The following EFHC2 variants were observed in gnomAD, a reference collection of about 807,000 sequenced individuals.
The protein encoded by EFHC2 is EF-hand domain-containing family member C2.
Under a neutral mutation model 52.7 loss-of-function variants are expected in EFHC2, and 18 were observed. The observed-to-expected ratio is 0.34, with a 90% CI of 0.24 to 0.51. The LOEUF (loss-of-function observed/expected upper bound fraction) is 0.51, where lower values mean the gene tolerates loss of function less well. EFHC2 is among the 20% of genes least tolerant of loss of function. The pLI is 0.97. For synonymous variants in EFHC2, 203 were observed against 204.1 expected, an observed-to-expected ratio of 0.99 and a Z score of 0.04; for missense variants, 513 against 562.5, an observed-to-expected ratio of 0.91 and a Z score of 0.89.
chrX:44,190,702 G>A (rs371897940), intron 11 of EFHC2, among the ~76,000 whole-genome samples: 1 of 106,649 alleles, frequency 9.4e-6, no homozygotes, highest in Non-Finnish European at 1.9e-5. Context: ...TGTTGATGGG[G>A]AAAAAAAAAT....
At chrX:44,224,333 T>C (rs774861253) in intron 11 of EFHC2, among the ~76,000 whole-genome samples, 2 of 111,950 alleles carry the variant, frequency 1.8e-5, no homozygotes, top group Non-Finnish European at 3.8e-5. Context: ...AGAATTTTAA[T>C]ATCAGTATCA....
chrX:44,217,205 C>T (rs1036610506), intron 11 of EFHC2, among the ~76,000 whole-genome samples: 1 of 110,689 alleles, frequency 9.0e-6, no homozygotes, highest in African/African-American at 3.3e-5. Context: ...GCTCATATCC[C>T]GAGAGACAGG....
At chrX:44,248,732 T>A in intron 6 of EFHC2, 71 bp downstream of exon 6, 1 of 847,392 alleles carries the variant, frequency 1.2e-6, no homozygotes, top group South Asian at 2.2e-5. Flanking sequence ...GAAGAGTACG[T>A]AACTCGCCCC....
At chrX:44,179,109 A>G (rs908020916) in intron 11 of EFHC2, among the ~76,000 whole-genome samples, 10 of 110,717 alleles carry the variant, frequency 9.0e-5, no homozygotes, top group African/African-American at 3.3e-4. Flanking sequence ...TAAAAGACCT[A>G]TGTAAGCGTA....
At chrX:44,309,484 A>G (rs1474728075) in intron 2 of EFHC2, 5 of 1,204,300 alleles carry the variant, frequency 4.2e-6, no homozygotes, top group Non-Finnish European at 5.6e-6. Context: ...CAGTTCCAGC[A>G]TAAGTCTGTC....
chrX:44,217,070 C>G (rs1277542542), intron 11 of EFHC2, among the ~76,000 whole-genome samples: 1 of 111,624 alleles, frequency 9.0e-6, no homozygotes, highest in Admixed American at 9.5e-5. Flanking sequence ...AATTTGAATA[C>G]ACATTTCTCA....
chrX:44,261,022 C>G lies in EFHC2; in HGVS notation c.606+53G>C, dbSNP rs947640115. ...AGTACAAACACCCTTTACTGACTTT[C>G]CAAAGGGATTTTTATTTTGAAGACA... On this transcript the variant is annotated intron_variant, in intron 4 of 14. Transcript: ENST00000420999. 1.2e-5 allele frequency: 13 copies of G among 1,077,856 alleles called. No homozygotes were observed. In the South Asian group the frequency reaches 2.6e-4, roughly 22 times the overall value. The allele number at this position is 1,077,856 out of a possible 1,213,427, so 88.8% of individuals were successfully genotyped here. A position where few individuals can be genotyped will look rare whatever the true frequency, so the allele number is the denominator to read the frequency against.
chrX:44,314,445 G>A (rs1255078765), intron 1 of EFHC2, among the ~76,000 whole-genome samples: 1 of 112,267 alleles, frequency 8.9e-6, no homozygotes, highest in East Asian at 2.8e-4. Flanking sequence ...CCTCCCCAGG[G>A]GAGTCAGGGC....
chrX:44,279,380 G>A (rs906181333), intron 2 of EFHC2, among the ~76,000 whole-genome samples: 4 of 111,468 alleles, frequency 3.6e-5, no homozygotes, highest in Non-Finnish European at 7.5e-5. Flanking sequence ...GCAAAAATTT[G>A]TCATAAGAAA....
intron 4 of EFHC2, among the ~76,000 whole-genome samples, chrX:44,251,783 G>A (rs1323627914): frequency 9.2e-6 from 1 of 108,955 alleles, no homozygotes; most frequent in Non-Finnish European, 1.9e-5. Flanking sequence ...CCTCTGGGTA[G>A]GGAATTTGAC....
chrX:44,170,885 AGT>A (rs1381692727), intron 13 of EFHC2, among the ~76,000 whole-genome samples: 1 of 112,492 alleles, frequency 8.9e-6, no homozygotes, highest in Non-Finnish European at 1.9e-5. Context: ...TGTTGGAATC[AGT>A]GTGCAGCCTT....
At chrX:44,157,350 T>C (rs981926175) in intron 14 of EFHC2, among the ~76,000 whole-genome samples, 1 of 111,240 alleles carries the variant, frequency 9.0e-6, no homozygotes, top group Non-Finnish European at 1.9e-5. Context: ...GGCTTTATTC[T>C]GGTAACAAAT....
At chrX:44,151,371 G>C (rs1354555278) in intron 14 of EFHC2, among the ~76,000 whole-genome samples, 1 of 111,805 alleles carries the variant, frequency 8.9e-6, no homozygotes, top group African/African-American at 3.2e-5. Context: ...TAAAGCAACA[G>C]AAACTTATTC....
At chrX:44,167,456 C>T (rs747779462) in intron 13 of EFHC2, among the ~76,000 whole-genome samples, 1 of 112,404 alleles carries the variant, frequency 8.9e-6, no homozygotes, top group Admixed American at 9.4e-5. Flanking sequence ...CCTCATAACA[C>T]CCAGTCTTCC....
At chrX:44,342,648 G>A (rs1190856573) in intron 1 of EFHC2, among the ~76,000 whole-genome samples, 1 of 110,370 alleles carries the variant, frequency 9.1e-6, no homozygotes, top group Non-Finnish European at 1.9e-5. Context: ...AGACCGAGGC[G>A]GGCAGATCAC....
At chrX:44,162,118 G>A (rs1405425734) in intron 14 of EFHC2, among the ~76,000 whole-genome samples, 3 of 111,816 alleles carry the variant, frequency 2.7e-5, no homozygotes, top group African/African-American at 9.8e-5. Context: ...TATGTATGGG[G>A]ACAACAGGAC....
intron 10 of EFHC2, among the ~76,000 whole-genome samples, chrX:44,232,000 C>T (rs1424521739): frequency 1.8e-5 from 2 of 111,845 alleles, no homozygotes; most frequent in Non-Finnish European, 3.8e-5. Context: ...CTTATTTAGG[C>T]CTCAGGTGGC....
chrX:44,261,754 C>CAA (rs769527844), intron 3 of EFHC2, among the ~76,000 whole-genome samples: 149 of 31,615 alleles, frequency 4.7e-3, no homozygotes, highest in Admixed American at 5.3e-3. Flanking sequence ...ACTCATGGCT[C>CAA]AAAAAAAAAA....
chrX:44,200,537 A>G (rs1330302687), intron 11 of EFHC2, among the ~76,000 whole-genome samples: 1 of 111,810 alleles, frequency 8.9e-6, no homozygotes, highest in Non-Finnish European at 1.9e-5. Context: ...CACTGAATCA[A>G]TGAACTAGAT....
Sources: gnomAD v4.1 joint callset for allele counts (sites outside exome capture counted in the v4.1 genomes callset) on GRCh38, gnomAD v4.1.1 for gene constraint, MANE v1.5 for transcripts, NCBI Gene and HGNC (gene_info 2026-07-23, HGNC 2026-07-21) for gene names.